The following FSTL5 variants were observed in gnomAD, a reference collection of about 807,000 sequenced individuals.
FSTL5 encodes follistatin like 5, also known as follistatin-related protein 5.
FSTL5 carries 62 observed loss-of-function variants against 89.1 expected under a neutral mutation model. The ratio of observed to expected loss-of-function variants is 0.70; its 90% CI spans 0.57 to 0.86. The LOEUF (loss-of-function observed/expected upper bound fraction) is 0.86. FSTL5 is among the 40% of genes least tolerant of loss of function. The pLI is 0.00. For missense variants in FSTL5, 1,057 were observed against 1,001.6 expected (o/e 1.06, Z -0.75); for synonymous variants, 383 against 346.2 (o/e 1.11, Z -1.18).
intron 6 of FSTL5, among the ~76,000 whole-genome samples, chr4:161,712,318 T>C (rs1486854459): frequency 6.6e-6 from 1 of 151,968 alleles, no homozygotes; most frequent in Non-Finnish European, 1.5e-5. Flanking sequence ...ATAAAAAGAA[T>C]AAATAACATA....
At chr4:161,574,333 C>CTT (rs898483588) in intron 8 of FSTL5, among the ~76,000 whole-genome samples, 1 of 141,984 alleles carries the variant, frequency 7.0e-6, no homozygotes, top group Non-Finnish European at 1.5e-5. Context: ...TTTCCTTTTT[C>CTT]TTTTTTTTTT....
intron 6 of FSTL5, among the ~76,000 whole-genome samples, chr4:161,701,495 C>A (rs1366964751): frequency 6.6e-6 from 1 of 151,508 alleles, no homozygotes; most frequent in Non-Finnish European, 1.5e-5. Context: ...AGAAACAGAA[C>A]TATCTTAATA....
At chr4:162,109,769 C>A (rs1263771550) in intron 2 of FSTL5, among the ~76,000 whole-genome samples, 1 of 151,976 alleles carries the variant, frequency 6.6e-6, no homozygotes, top group Non-Finnish European at 1.5e-5. Context: ...TAAACAGTGT[C>A]TCTTATGTTC....
chr4:161,864,644 G>A (rs1732019690), intron 4 of FSTL5, among the ~76,000 whole-genome samples: 1 of 152,162 alleles, frequency 6.6e-6, no homozygotes, highest in South Asian at 2.1e-4. Flanking sequence ...GACTGAGGTG[G>A]ACAGATCAGG....
chr4:161,783,724 TTC>T lies in FSTL5; in HGVS notation c.410-7652_410-7651del, dbSNP rs1453330133. Among the ~76,000 whole-genome samples, 8 of 14,266 alleles carry T rather than the reference TTC, an allele frequency of 5.6e-4. 1 individual carries two copies. The highest frequency in any genetic ancestry group is 2.4e-3 in the African/African-American group (8 of 3,384). The allele number at this position is 14,266 out of a possible 152,430, so 9.4% of individuals were successfully genotyped here. A position where few individuals can be genotyped will look rare whatever the true frequency, so the allele number is the denominator to read the frequency against. ...CTTTCTTTCTTTCTTTCTTTCTTTCTTCTTTTCTTTTCTTTCTTTCTTTCTTT... is the reference window on the plus strand; with the variant it reads ...CTTTCTTTCTTTCTTTCTTTCTTTCTTTTTCTTTTCTTTCTTTCTTTCTTT... On this transcript the variant is annotated intron_variant, in intron 4 of 15. Coordinates refer to ENST00000306100, the MANE Select transcript of FSTL5 (RefSeq NM_020116.5).
intron 4 of FSTL5, among the ~76,000 whole-genome samples, chr4:161,910,240 C>T (rs961256795): frequency 2.0e-5 from 3 of 152,056 alleles, no homozygotes; most frequent in African/African-American, 7.2e-5. Context: ...TCATGACCTC[C>T]GAAGGTTGAA....
intron 6 of FSTL5, among the ~76,000 whole-genome samples, chr4:161,745,070 A>T (rs1041066030): frequency 1.3e-5 from 2 of 151,906 alleles, no homozygotes; most frequent in Non-Finnish European, 2.9e-5. Context: ...ATAAATAAAT[A>T]AAAAAAATAA....
intron 4 of FSTL5, among the ~76,000 whole-genome samples, chr4:161,877,167 G>A (rs935493920): frequency 3.6e-5 from 5 of 137,716 alleles, no homozygotes; most frequent in African/African-American, 1.4e-4. Flanking sequence ...CTGGGAGACA[G>A]AGCTAGACTC....
intron 15 of FSTL5, among the ~76,000 whole-genome samples, chr4:161,407,600 G>A (rs745555953): frequency 3.3e-5 from 5 of 152,156 alleles, no homozygotes; most frequent in South Asian, 2.1e-4. Flanking sequence ...GCTGGCAAGG[G>A]GATCTCCCTG....
intron 4 of FSTL5, among the ~76,000 whole-genome samples, chr4:161,904,088 C>T (rs532985934): frequency 6.6e-6 from 1 of 151,630 alleles, no homozygotes; most frequent in African/African-American, 2.4e-5. Context: ...TTATTTTTTT[C>T]TATGGACTCA....
chr4:161,753,862 GAA>G (rs1182385689), intron 6 of FSTL5, among the ~76,000 whole-genome samples: 2 of 151,984 alleles, frequency 1.3e-5, no homozygotes, highest in East Asian at 3.9e-4. Flanking sequence ...CTATCACGGT[GAA>G]ACCCCCTCTC....
intron 6 of FSTL5, among the ~76,000 whole-genome samples, chr4:161,727,305 G>T (rs1393958195): frequency 6.6e-6 from 1 of 152,088 alleles, no homozygotes; most frequent in Admixed American, 6.5e-5. Context: ...ATTCTAAAAT[G>T]ATTTGAATTG....
At position 162,066,361 on chromosome 4, in the gene FSTL5, T is replaced by C. The variant is rs1244229148; in HGVS notation, c.127-32703A>G. The stretch of plus-strand genomic sequence containing the variant: ...TTCTTCTTCTTCTTCTTCTCCTTCT[T>C]CTTCTTCTTCTCCTTCTTCTTCTTC... On this transcript the variant is annotated intron_variant, in intron 2 of 15. Coordinates refer to ENST00000306100, the MANE Select transcript of FSTL5 (RefSeq NM_020116.5). Among the ~76,000 whole-genome samples, 11 of 136,532 alleles carry C rather than the reference T, an allele frequency of 8.1e-5. 1 individual carries two copies. Among genetic ancestry groups the C allele is most frequent in the African/African-American group, 3.0e-4 (11 of 36,942 alleles). The allele number at this position is 136,532 out of a possible 152,430, so 89.6% of individuals were successfully genotyped here.
intron 4 of FSTL5, among the ~76,000 whole-genome samples, chr4:161,868,705 TG>T (rs2126897671): frequency 6.6e-6 from 1 of 152,282 alleles, no homozygotes; most frequent in East Asian, 1.9e-4. Flanking sequence ...CTTAAACCAT[TG>T]TAGTTCATTA....
chr4:161,571,566 G>GA (rs1733012589), intron 8 of FSTL5, among the ~76,000 whole-genome samples: 1 of 152,176 alleles, frequency 6.6e-6, no homozygotes, highest in African/African-American at 2.4e-5. Context: ...GAAGGAGGGG[G>GA]AAAATGTAAC....
chr4:161,741,544 A>C (rs1740027573), intron 6 of FSTL5, among the ~76,000 whole-genome samples: 1 of 152,126 alleles, frequency 6.6e-6, no homozygotes, highest in African/African-American at 2.4e-5. Context: ...CCAAGGTAGA[A>C]ATTTATTATG....
At chr4:161,658,261 C>G (rs1239458288) in intron 6 of FSTL5, among the ~76,000 whole-genome samples, 1 of 151,568 alleles carries the variant, frequency 6.6e-6, no homozygotes, top group African/African-American at 2.4e-5. Context: ...GTGAGGAGTT[C>G]GAGCCTGGCC....
At chr4:161,758,517 CTATTAT>C (rs1740658651) in intron 6 of FSTL5, among the ~76,000 whole-genome samples, 1 of 151,836 alleles carries the variant, frequency 6.6e-6, no homozygotes, top group Non-Finnish European at 1.5e-5. Flanking sequence ...AATTATTTTA[CTATTAT>C]TATTAATATT....
intron 7 of FSTL5, among the ~76,000 whole-genome samples, chr4:161,625,333 C>T (rs1735277912): frequency 6.6e-6 from 1 of 152,022 alleles, no homozygotes. Flanking sequence ...CACTTCATGT[C>T]TCTGTGTCAC....
Sources: allele counts gnomAD v4.1 joint callset (sites outside exome capture counted in the v4.1 genomes callset), GRCh38; gene constraint gnomAD v4.1.1; transcripts MANE v1.5; gene names NCBI Gene and HGNC (gene_info 2026-07-23, HGNC 2026-07-21).